TRIO: variants seen among roughly 807,000 people sequenced by gnomAD.
TRIO encodes the protein triple functional domain protein.
TRIO carries 58 observed loss-of-function variants against 351.9 expected under a neutral mutation model. The ratio of observed to expected loss-of-function variants is 0.16; its 90% CI spans 0.13 to 0.21. The LOEUF is 0.21. Ranked by LOEUF, TRIO falls within the 10% of genes least tolerant of loss-of-function variation. The pLI, the probability that TRIO is intolerant of heterozygous loss-of-function variation, is 1.00. For missense variants in TRIO, 3,201 were observed against 4,027.8 expected (o/e 0.79, Z 5.56); for synonymous variants, 1,758 against 1,595.7 (o/e 1.10, Z -2.42).
At chr5:14,444,938 G>A (rs1282050532) in intron 34 of TRIO, among the ~76,000 whole-genome samples, 1 of 152,208 alleles carries the variant, frequency 6.6e-6, no homozygotes, top group Admixed American at 6.5e-5. Context: ...TTCAGGCAAA[G>A]TGGCTTTTCC....
At chr5:14,219,927 T>A (rs1049939585) in intron 1 of TRIO, among the ~76,000 whole-genome samples, 1 of 151,530 alleles carries the variant, frequency 6.6e-6, no homozygotes, top group African/African-American at 2.4e-5. Context: ...AGTGATTTTG[T>A]GAGTCTCTAA....
At chr5:14,364,528 A>AT in intron 14 of TRIO, 122 bp from the exon 15 acceptor site, 1 of 1,252,048 alleles carries the variant, frequency 8.0e-7, no homozygotes, top group Non-Finnish European at 1.1e-6. Context: ...GCCCTTCAGC[A>AT]TAATGGCTTG....
In TRIO at chr5:14,144,882, G is replaced by GAGC. The variant is rs898397619; in HGVS notation, c.157+1009_157+1011dup. Reference sequence around the variant, plus strand: ...AGTCCGGTCTGCTCGCGCGTCGGCTGAGCAGCAGCAGGAGGAGGAGGAGGC... The same window carrying GAGC: ...AGTCCGGTCTGCTCGCGCGTCGGCTGAGCAGCAGCAGCAGGAGGAGGAGGAGGC... On this transcript the variant is annotated intron_variant, in intron 1 of 56. Coordinates refer to ENST00000344204, the MANE Select transcript of TRIO (RefSeq NM_007118.4). Among the ~76,000 whole-genome samples the GAGC allele has an allele frequency of 7.3e-4, 111 of 152,028 alleles. 1 individual carries two copies. Among genetic ancestry groups the GAGC allele is most frequent in the South Asian group, 2.5e-3 (12 of 4,830 alleles).
Position 14,378,139 on chromosome 5 carries a change from C to T in TRIO, c.3447+12C>T. On this transcript the variant is annotated intron_variant, in intron 20 of 56. Coordinates refer to ENST00000344204, the MANE Select transcript of TRIO (RefSeq NM_007118.4). Reference sequence around the variant, plus strand: ...GGAGTGCCAAGCAGGTCAGTGCACACCTGGTGCCCAGCCTCCCCCTAAACT... The same window carrying T: ...GGAGTGCCAAGCAGGTCAGTGCACATCTGGTGCCCAGCCTCCCCCTAAACT... The T allele has an allele frequency of 6.3e-7, 1 of 1,594,166 alleles. No individual in the cohort carries two copies. Among genetic ancestry groups the T allele is most frequent in the Non-Finnish European group, 8.6e-7 (1 of 1,166,646 alleles).
chr5:14,466,885 A>G (rs1754299693), intron 37 of TRIO, among the ~76,000 whole-genome samples: 1 of 152,262 alleles, frequency 6.6e-6, no homozygotes, highest in Non-Finnish European at 1.5e-5. Flanking sequence ...ATAACTGTAT[A>G]GTATTCCTCT....
chr5:14,174,356 G>C (rs1789282160), intron 1 of TRIO, among the ~76,000 whole-genome samples: 1 of 152,220 alleles, frequency 6.6e-6, no homozygotes, highest in Non-Finnish European at 1.5e-5. Context: ...AAGAGGAACT[G>C]CTGCGAGTGG....
At chr5:14,244,689 T>G (rs1794329664) in intron 1 of TRIO, among the ~76,000 whole-genome samples, 1 of 152,262 alleles carries the variant, frequency 6.6e-6, no homozygotes. Context: ...GGACCATGTT[T>G]GACTCCTCAC....
intron 48 of TRIO, chr5:14,490,809 T>A (rs1434002638): frequency 4.4e-6 from 2 of 455,994 alleles, no homozygotes; most frequent in South Asian, 1.5e-5. Flanking sequence ...CAAAAGCAGC[T>A]GTGCTGCAGA....
At chr5:14,317,974 A>G (rs1409660118) in intron 9 of TRIO, among the ~76,000 whole-genome samples, 1 of 152,062 alleles carries the variant, frequency 6.6e-6, no homozygotes, top group African/African-American at 2.4e-5. Flanking sequence ...TCAGAATACA[A>G]AAATTAGCCA....
chr5:14,332,153 A>T (rs1581636834), intron 10 of TRIO, among the ~76,000 whole-genome samples: 1 of 152,102 alleles, frequency 6.6e-6, no homozygotes, highest in Non-Finnish European at 1.5e-5. Flanking sequence ...GAATTCTTAA[A>T]CCACCCTCGC....
intron 8 of TRIO, among the ~76,000 whole-genome samples, chr5:14,308,496 C>A (rs1049157638): frequency 1.3e-5 from 2 of 151,556 alleles, no homozygotes; most frequent in Non-Finnish European, 2.9e-5. Flanking sequence ...GCCACCCATC[C>A]GTCCATCCAT....
rs775375272 is a variant in TRIO, at chr5:14,290,911, C to G, written c.736C>G (p.Leu246Val). 4 of 1,614,178 alleles carry G rather than the reference C, an allele frequency of 2.5e-6. No homozygotes were observed. The highest frequency in any genetic ancestry group is 3.4e-6 in the Non-Finnish European group (4 of 1,180,034). Reference protein sequence around the residue: ...ELQDILAKKELPQDLEGARNM... With the variant: ...ELQDILAKKEVPQDLEGARNM... ...TCAGGACATCCTAGCTAAGAAGGAG[C>G]TGCCTCAGGATTTAGAGGGGGCTCG... The change falls in exon 5 of 57, where the codon CTG becomes GTG. Residue 246 changes from leucine (L) to valine (V), a missense_variant. Leu to Val is a conservative substitution (Grantham distance 32, BLOSUM62 1). Coordinates refer to ENST00000344204, the MANE Select transcript of TRIO (RefSeq NM_007118.4).
At chr5:14,260,068 G>T (rs998978970) in intron 1 of TRIO, among the ~76,000 whole-genome samples, 2 of 152,214 alleles carry the variant, frequency 1.3e-5, no homozygotes, top group Admixed American at 1.3e-4. Context: ...GAACATCACA[G>T]TATTAATCTT....
intron 34 of TRIO, among the ~76,000 whole-genome samples, chr5:14,421,299 A>G (rs1750132014): frequency 7.5e-6 from 1 of 133,340 alleles, no homozygotes. Flanking sequence ...CTGTAATGCA[A>G]GGAAACTCAT....
At chr5:14,162,180 GA>G (rs1788501430) in intron 1 of TRIO, among the ~76,000 whole-genome samples, 1 of 152,194 alleles carries the variant, frequency 6.6e-6, no homozygotes, top group Non-Finnish European at 1.5e-5. Flanking sequence ...TGGAGAAAAT[GA>G]ATGCAGTCCC....
rs571144227 is a variant in TRIO at position 14,253,620 on chromosome 5, G to A, written c.158-17205G>A. On this transcript the variant is annotated intron_variant, in intron 1 of 56. Coordinates refer to ENST00000344204, the MANE Select transcript of TRIO (RefSeq NM_007118.4). ...TCTCAGAGTGCTGGGATTGATTACG[G>A]GCATGAACTCCCGCACCTGGCCAGT... 8.5e-5 allele frequency among the ~76,000 whole-genome samples: 13 copies of A among 152,250 alleles called. No homozygotes were observed. In the South Asian group the frequency reaches 1.5e-3, roughly 17 times the overall value.
chr5:14,436,251 A>G (rs1751580474), intron 34 of TRIO, among the ~76,000 whole-genome samples: 1 of 152,216 alleles, frequency 6.6e-6, no homozygotes, highest in Non-Finnish European at 1.5e-5. Flanking sequence ...CAGCAGGCAA[A>G]GCAAGAGAGA....
chr5:14,184,000 T>C, intron 1 of TRIO: 1 of 697,774 alleles, frequency 1.4e-6, no homozygotes, highest in Non-Finnish European at 2.6e-6. Context: ...CAGTTCTTAT[T>C]TTGGCTCTCT....
rs1197140592 is a variant in TRIO, at chr5:14,297,083, A to G, written c.1188A>G (p.Val396=). The change falls in exon 7 of 57, where the codon GTA becomes GTG. Residue 396 remains valine, a synonymous_variant. Transcript: ENST00000344204. The part of the protein sequence containing the change: ...HFAMNCMNVY[V]NINRIMSVAN... Reference sequence around the variant, plus strand: ...TGCCCACTTTCCAGAACGTGTATGTAAATATAAACCGCATCATGTCGGTGG... The same window carrying G: ...TGCCCACTTTCCAGAACGTGTATGTGAATATAAACCGCATCATGTCGGTGG... 3 of 1,611,678 alleles carry G rather than the reference A, an allele frequency of 1.9e-6. No homozygotes were observed. The highest frequency in any genetic ancestry group is 2.5e-6 in the Non-Finnish European group (3 of 1,177,946).
Sources: allele counts gnomAD v4.1 joint callset (sites outside exome capture counted in the v4.1 genomes callset), GRCh38; gene constraint gnomAD v4.1.1; transcripts MANE v1.5; gene names NCBI Gene and HGNC (gene_info 2026-07-23, HGNC 2026-07-21).